SEMA3A: variants seen among roughly 807,000 people sequenced by gnomAD.
The protein encoded by SEMA3A is semaphorin 3A.
Under a neutral mutation model 97.9 loss-of-function variants are expected in SEMA3A, and 29 were observed. The observed-to-expected ratio is 0.30, with a 90% CI of 0.22 to 0.40. The LOEUF is 0.40. SEMA3A is among the 10% of genes least tolerant of loss of function. SEMA3A has a pLI of 1.00. For synonymous variants in SEMA3A, 321 were observed against 323.7 expected (o/e 0.99, Z 0.09); for missense variants, 763 against 951.3 (o/e 0.80, Z 2.60).
At chr7:84,237,677 G>GGTGATTCATGAAATCACTGAGTTTCATGA (rs1799266974) in intron 3 of SEMA3A, among the ~76,000 whole-genome samples, 1 of 151,918 alleles carries the variant, frequency 6.6e-6, no homozygotes, top group Non-Finnish European at 1.5e-5. Flanking sequence ...CCCAGCAAAG[G>GGTGATTCATGAAATCACTGAGTTTCATGA]GTGATTCATG....
intron 3 of SEMA3A, among the ~76,000 whole-genome samples, chr7:84,300,768 T>TA (rs751411660): frequency 1.1e-4 from 16 of 151,920 alleles, no homozygotes; most frequent in African/African-American, 1.7e-4. Flanking sequence ...AGATTTTATT[T>TA]AAAAAAAAGA....
chr7:84,468,403 T>C (rs1806061133), intron 1 of SEMA3A, among the ~76,000 whole-genome samples: 2 of 152,178 alleles, frequency 1.3e-5, no homozygotes, highest in Admixed American at 6.5e-5. Context: ...CTACACTCCA[T>C]AGCAGGTGCC....
At chr7:84,052,966 A>C (rs1341506197) in intron 5 of SEMA3A, among the ~76,000 whole-genome samples, 1 of 150,664 alleles carries the variant, frequency 6.6e-6, no homozygotes, top group Non-Finnish European at 1.5e-5. Flanking sequence ...TCATTTCGTT[A>C]TGTACCCAGT....
intron 1 of SEMA3A, among the ~76,000 whole-genome samples, chr7:84,390,262 T>C (rs1245303994): frequency 2.0e-5 from 3 of 151,516 alleles, no homozygotes; most frequent in Non-Finnish European, 4.4e-5. Flanking sequence ...AATGCCGTTA[T>C]GGTAGGAACA....
At chr7:84,478,419 G>A (rs1408168769) in intron 1 of SEMA3A, among the ~76,000 whole-genome samples, 1 of 151,914 alleles carries the variant, frequency 6.6e-6, no homozygotes, top group Non-Finnish European at 1.5e-5. Context: ...AAAACTTTTT[G>A]CAACTTTGTA....
intron 2 of SEMA3A, among the ~76,000 whole-genome samples, chr7:84,312,283 G>T (rs149583453): frequency 8.6e-4 from 130 of 151,832 alleles, no homozygotes; most frequent in African/African-American, 2.7e-3. Context: ...GAAAATTGCT[G>T]CCTTAAATAA....
At chr7:84,158,024 A>T (rs573385783) in intron 1 of SEMA3A, among the ~76,000 whole-genome samples, 10 of 151,954 alleles carry the variant, frequency 6.6e-5, no homozygotes, top group African/African-American at 2.4e-4. Flanking sequence ...ACACTTAGAG[A>T]TAAGTTTCTT....
intron 1 of SEMA3A, among the ~76,000 whole-genome samples, chr7:84,189,731 A>T (rs748231153): frequency 2.0e-5 from 3 of 151,698 alleles, no homozygotes; most frequent in Non-Finnish European, 3.0e-5. Flanking sequence ...ATTACTAGGA[A>T]CATATGCAAT....
At chr7:84,106,428 C>T (rs995759034) in intron 4 of SEMA3A, among the ~76,000 whole-genome samples, 4 of 152,164 alleles carry the variant, frequency 2.6e-5, no homozygotes, top group Middle Eastern at 3.4e-3. Context: ...GTAGGCTATC[C>T]CATCTAGATT....
At chr7:84,142,584 C>G (rs1386698900) in intron 1 of SEMA3A, among the ~76,000 whole-genome samples, 1 of 152,102 alleles carries the variant, frequency 6.6e-6, no homozygotes, top group Non-Finnish European at 1.5e-5. Context: ...ATACTAAGAA[C>G]TGATTTTGGA....
Position 84,082,990 on chromosome 7 carries a change from C to G in SEMA3A, c.454-22432G>C, listed in dbSNP as rs189276128. 7.7e-3 allele frequency among the ~76,000 whole-genome samples: 1,172 copies of G among 151,680 alleles called. 12 individuals are homozygous for G. The highest frequency in any genetic ancestry group is 0.027 in the African/African-American group (1,111 of 41,430). ...AAGTTTCATTCTTTAAATTTTATGT[C>G]AGAATTTGAGTCATTGGACATTTGT... On this transcript the variant is annotated intron_variant, in intron 4 of 16. Transcript: ENST00000265362.
At chr7:84,374,879 C>A (rs183261841) in intron 1 of SEMA3A, among the ~76,000 whole-genome samples, 1 of 152,258 alleles carries the variant, frequency 6.6e-6, no homozygotes, top group Admixed American at 6.5e-5. Flanking sequence ...ACTGGATCAG[C>A]CACTCTGCCA....
At position 83,961,683 on chromosome 7, in the gene SEMA3A, A is replaced by AATG. The variant is rs1226105531; in HGVS notation, c.2001_2003dup (p.Ile668dup). 13 of 1,613,730 alleles carry AATG rather than the reference A, an allele frequency of 8.1e-6. No homozygotes were observed. Among genetic ancestry groups the AATG allele is most frequent in the Non-Finnish European group, 1.0e-5 (12 of 1,179,882 alleles). On this transcript the variant is annotated inframe_insertion, in exon 17 of 17. Coordinates refer to ENST00000265362, the MANE Select transcript of SEMA3A (RefSeq NM_006080.3). ...GAAGTTCTTCCAAATGCTCTGTGTC[A>AATG]ATGACTTCCAGGGTTACCTTAAGAA...
At chr7:84,483,228 C>T (rs193114860) in intron 1 of SEMA3A, among the ~76,000 whole-genome samples, 223 of 152,122 alleles carry the variant, frequency 1.5e-3, no homozygotes, top group African/African-American at 4.9e-3. Context: ...GGTAATTTGA[C>T]CTTTTGTTAA....
At chr7:84,069,579 G>C (rs966403536) in intron 4 of SEMA3A, among the ~76,000 whole-genome samples, 3 of 151,808 alleles carry the variant, frequency 2.0e-5, no homozygotes, top group African/African-American at 4.8e-5. Context: ...CTTTCTTATA[G>C]GTAGATGAGA....
chr7:84,336,025 A>C (rs1289990512), intron 2 of SEMA3A, among the ~76,000 whole-genome samples: 1 of 152,120 alleles, frequency 6.6e-6, no homozygotes, highest in Non-Finnish European at 1.5e-5. Context: ...TGGTATTTAT[A>C]ATATTGGACA....
At chr7:84,114,249 C>T (rs1025289550) in intron 3 of SEMA3A, among the ~76,000 whole-genome samples, 1 of 152,122 alleles carries the variant, frequency 6.6e-6, no homozygotes, top group African/African-American at 2.4e-5. Flanking sequence ...CTTGCATGTT[C>T]TTAAATTCTG....
chr7:84,221,793 G>A (rs1798889614), intron 3 of SEMA3A, among the ~76,000 whole-genome samples: 3 of 151,920 alleles, frequency 2.0e-5, no homozygotes, highest in Non-Finnish European at 4.4e-5. Flanking sequence ...AGTAATCACA[G>A]ATCACCATAA....
At chr7:84,151,226 C>G (rs965248190) in intron 1 of SEMA3A, among the ~76,000 whole-genome samples, 1 of 152,118 alleles carries the variant, frequency 6.6e-6, no homozygotes, top group Non-Finnish European at 1.5e-5. Flanking sequence ...AGCAACGGAA[C>G]TAAGCTGGAT....
Sources: allele counts gnomAD v4.1 joint callset (sites outside exome capture counted in the v4.1 genomes callset), GRCh38; gene constraint gnomAD v4.1.1; transcripts MANE v1.5; gene names NCBI Gene and HGNC (gene_info 2026-07-23, HGNC 2026-07-21).